Variants in CFAP251 observed in about 807,000 individuals in gnomAD.
CFAP251 encodes the protein cilia and flagella associated protein 251, also known as cilia- and flagella-associated protein 251.
Under a neutral mutation model 126.7 loss-of-function variants are expected in CFAP251, and 93 were observed. The observed-to-expected ratio is 0.73, with a 90% CI of 0.62 to 0.87. CFAP251 has a LOEUF of 0.87. Among genes scored for constraint, CFAP251 ranks in the 40% least tolerant of loss-of-function variants. The pLI is 0.00. For missense variants in CFAP251, 1,287 were observed against 1,389.2 expected, an observed-to-expected ratio of 0.93 and a Z score of 1.17; for synonymous variants, 503 against 506.9, an observed-to-expected ratio of 0.99 and a Z score of 0.10.
At chr12:121,956,620 C>T (rs188363859) in intron 10 of CFAP251, among the ~76,000 whole-genome samples, 3 of 152,220 alleles carry the variant, frequency 2.0e-5, no homozygotes, top group Admixed American at 6.5e-5. Flanking sequence ...CTCAGCCTCC[C>T]GAGTAGCTGG....
At position 121,942,740 on chromosome 12, in the gene CFAP251, T is replaced by C; in HGVS notation, c.1110+95T>C. On this transcript the variant is annotated intron_variant, in intron 6 of 21. Coordinates refer to ENST00000288912, the MANE Select transcript of CFAP251 (RefSeq NM_144668.6). Reference sequence around the variant, plus strand: ...GCTCTGTTCAGGCTGGGCTGTGTGATGTCTGTGATATTCTCAAAAGACCAG... The same window carrying C: ...GCTCTGTTCAGGCTGGGCTGTGTGACGTCTGTGATATTCTCAAAAGACCAG... 4 of 1,241,612 alleles carry C rather than the reference T, an allele frequency of 3.2e-6. 1 individual carries two copies. In the South Asian group the frequency reaches 4.0e-5, roughly 12 times the overall value. 76.9% of individuals were successfully genotyped at this position (1,241,612 alleles called of 1,614,324 possible). A position where few individuals can be genotyped will look rare whatever the true frequency, so the allele number is the denominator to read the frequency against.
At chr12:121,965,232 A>G (rs1882080672) in intron 15 of CFAP251, among the ~76,000 whole-genome samples, 1 of 152,246 alleles carries the variant, frequency 6.6e-6, no homozygotes, top group Admixed American at 6.5e-5. Flanking sequence ...GCAAATGAAA[A>G]CAAGATATCA....
intron 2 of CFAP251, among the ~76,000 whole-genome samples, chr12:121,922,484 A>G (rs1308730500): frequency 1.3e-5 from 2 of 152,162 alleles, no homozygotes; most frequent in Non-Finnish European, 2.9e-5. Context: ...GAGATGAAAC[A>G]GGGCCTCTTA....
rs1325532309 is a variant in CFAP251, at chr12:121,967,055, A to G, written c.2593A>G (p.Ile865Val). 6 of 1,614,008 alleles carry G rather than the reference A, an allele frequency of 3.7e-6. No individual in the cohort carries two copies. The East Asian group carries it at 1.1e-4, about 30-fold the overall frequency. Residue 865 changes from isoleucine to valine, a missense_variant, in exon 16 of 22, where the codon ATT becomes GTT. Ile to Val is a conservative substitution (Grantham distance 29). Transcript: ENST00000288912. ...GCTACAGAAACGCTACTTGGTGTTT[A>G]TTAACAGAGACAAGGTAACAGCGCT... is the stretch of plus-strand genomic sequence containing the variant. ...AELQKRYLVF[I>V]NRDKVGLQIL...
chr12:121,960,842 GC>G, intron 14 of CFAP251, 84 bp downstream of exon 14: 1 of 1,468,742 alleles, frequency 6.8e-7, no homozygotes, highest in Non-Finnish European at 9.4e-7. Context: ...ATAGAGCCAG[GC>G]CCACAGTACG....
intron 10 of CFAP251, 143 bp downstream of exon 10, chr12:121,954,477 G>A (rs919788888): frequency 1.4e-6 from 1 of 701,098 alleles, no homozygotes; most frequent in African/African-American, 1.8e-5. Context: ...GAGGCCAGAA[G>A]TTCAAGACCA....
chr12:121,968,079 T>C lies in CFAP251; in HGVS notation c.2681T>C (p.Val894Ala), dbSNP rs1565916994. The C allele has an allele frequency of 1.9e-6, 3 of 1,613,730 alleles. No individual in the cohort carries two copies. Among genetic ancestry groups the C allele is most frequent in the Admixed American group, 1.7e-5 (1 of 60,010 alleles). ...GCTATTGTTTGCCACCCGAACGGGG[T>C]GGCCGGCATGGCCGTTTCCTATGAT... ...TSAIVCHPNG[V>A]AGMAVSYDGC... The change falls in exon 17 of 22, where the codon GTG becomes GCG. Residue 894 changes from valine (V) to alanine (A), a missense_variant. Val to Ala is a moderately conservative substitution (Grantham distance 64). Transcript: ENST00000288912.
At chr12:121,970,495 TTCC>T (rs1882296494) in intron 17 of CFAP251, among the ~76,000 whole-genome samples, 1 of 152,090 alleles carries the variant, frequency 6.6e-6, no homozygotes, top group Non-Finnish European at 1.5e-5. Flanking sequence ...GTTCAGACCA[TTCC>T]TCCTCCTCCT....
chr12:121,976,639 C>T (rs775441041), intron 19 of CFAP251, among the ~76,000 whole-genome samples: 64 of 152,176 alleles, frequency 4.2e-4, no homozygotes, highest in Non-Finnish European at 6.5e-4. Flanking sequence ...GTTGTGGCAG[C>T]TCACGCCTAT....
chr12:121,970,076 G>T, intron 17 of CFAP251: 1 of 519,336 alleles, frequency 1.9e-6, no homozygotes, highest in Non-Finnish European at 2.5e-6. Context: ...CTGATGATGA[G>T]TTGTAGGGGA....
chr12:121,924,400 C>T (rs1880320391), intron 3 of CFAP251, among the ~76,000 whole-genome samples: 1 of 149,614 alleles, frequency 6.7e-6, no homozygotes, highest in South Asian at 2.1e-4. Context: ...CAGGCGTGAG[C>T]CACCACGCCC....
Position 121,999,935 on chromosome 12 carries a change from G to T in CFAP251, c.3226G>T (p.Val1076Phe). Residue 1076 changes from valine (V) to phenylalanine (F), a missense_variant, in exon 20 of 22, where the codon GTT (valine) becomes TTT (phenylalanine). Physicochemically the swap from Val to Phe is conservative, Grantham distance 50. Transcript: ENST00000288912. ...IRREDFLRLLVTKGEHMTEEE... is the reference protein window; with the variant it reads ...IRREDFLRLLFTKGEHMTEEE... ...AAGAGAGGACTTCCTGAGACTGCTC[G>T]TTACTAAAGGTAAGCACATACATCA... 2 of 1,611,886 alleles carry T rather than the reference G, an allele frequency of 1.2e-6. No individual in the cohort carries two copies. Among genetic ancestry groups the T allele is most frequent in the South Asian group, 1.1e-5 (1 of 91,034 alleles).
rs1881162558 is a variant in CFAP251 at position 121,942,539 on chromosome 12, C to A, written c.1004C>A (p.Pro335His). 1 of 1,613,124 alleles carries A rather than the reference C, an allele frequency of 6.2e-7. No individual in the cohort carries two copies. Among genetic ancestry groups the A allele is most frequent in the Admixed American group, 1.7e-5 (1 of 59,954 alleles). Reference protein sequence around the residue: ...VIIWDSFTGIPVHTIFDSCPE... With the variant: ...VIIWDSFTGIHVHTIFDSCPE... ...CCCCTTGTCCTGTTTTGCAGTATTC[C>A]TGTGCACACAATATTTGACAGCTGC... Residue 335 changes from proline to histidine, a missense_variant, in exon 6 of 22, where the codon CCT (proline) becomes CAT (histidine). Pro to His is a moderately conservative substitution (Grantham distance 77, BLOSUM62 -2). Transcript: ENST00000288912.
intron 5 of CFAP251, among the ~76,000 whole-genome samples, chr12:121,939,556 ACTCT>A (rs1158987506): frequency 6.7e-6 from 1 of 150,032 alleles, no homozygotes; most frequent in African/African-American, 2.5e-5. Context: ...TATTTGTGAA[ACTCT>A]CTCTCTACTA....
intron 7 of CFAP251, among the ~76,000 whole-genome samples, chr12:121,945,358 T>A (rs1881279751): frequency 6.7e-6 from 1 of 150,332 alleles, no homozygotes; most frequent in Non-Finnish European, 1.5e-5. Context: ...TTTTCTTTTT[T>A]TTTGAGATGG....
rs1442173053 is a variant in CFAP251 at position 121,928,644 on chromosome 12, A to ACG, written c.748-3102_748-3101insCG. On this transcript the variant is annotated intron_variant, in intron 3 of 21. Transcript: ENST00000288912. Reference sequence around the variant, plus strand: ...TATATGTGTATATATATACGTATATATATATATATATACGTATATATATAC... The same window carrying ACG: ...TATATGTGTATATATATACGTATATACGTATATATATATACGTATATATATAC... 9.6e-3 allele frequency among the ~76,000 whole-genome samples: 339 copies of ACG among 35,324 alleles called. 9 individuals carry two copies. Among genetic ancestry groups the ACG allele is most frequent in the Non-Finnish European group, 0.034 (254 of 7,480 alleles). 23.2% of individuals were successfully genotyped at this position (35,324 alleles called of 152,430 possible). A position where few individuals can be genotyped will look rare whatever the true frequency, so the allele number is the denominator to read the frequency against.
intron 20 of CFAP251, among the ~76,000 whole-genome samples, chr12:122,001,197 C>T (rs1484126916): frequency 6.6e-6 from 1 of 151,478 alleles, no homozygotes; most frequent in African/African-American, 2.4e-5. Context: ...GCTGGGATTA[C>T]AGGCCGCGCC....
At chr12:121,969,663 A>AT (rs897156685) in intron 17 of CFAP251, 26 of 855,168 alleles carry the variant, frequency 3.0e-5, no homozygotes, top group South Asian at 1.1e-4. Flanking sequence ...CTTTAAAAAA[A>AT]TTTTTTTTGT....
chr12:122,000,781 A>T (rs576984453), intron 20 of CFAP251, among the ~76,000 whole-genome samples: 1 of 152,252 alleles, frequency 6.6e-6, no homozygotes, highest in South Asian at 2.1e-4. Context: ...TCCCCGCAGC[A>T]TGCTGTCCTA....
Sources: allele counts gnomAD v4.1 joint callset (sites outside exome capture counted in the v4.1 genomes callset), GRCh38; gene constraint gnomAD v4.1.1; transcripts MANE v1.5; gene names NCBI Gene and HGNC (gene_info 2026-07-23, HGNC 2026-07-21).